Variants in DLGAP1 observed in about 807,000 individuals in gnomAD.
The protein encoded by DLGAP1 is DLG associated protein 1.
A neutral mutation model predicts 90.8 loss-of-function variants in DLGAP1; 11 were observed. That is an observed-to-expected ratio of 0.12 (90% confidence interval 0.08 to 0.20). The LOEUF (loss-of-function observed/expected upper bound fraction) is 0.20, where lower values mean the gene tolerates loss of function less well. Among genes scored for constraint, DLGAP1 ranks in the 10% least tolerant of loss-of-function variants. The pLI, the probability that DLGAP1 is intolerant of heterozygous loss-of-function variation, is 1.00. For synonymous variants in DLGAP1, 558 were observed against 540.7 expected (o/e 1.03, Z -0.44); for missense variants, 1,050 against 1,333.8 (o/e 0.79, Z 3.31).
In DLGAP1 at chr18:3,998,645, A is replaced by G. The variant is rs141006946; in HGVS notation, c.-73+6471T>C. On this transcript the variant is annotated intron_variant, in intron 3 of 12. Coordinates refer to ENST00000315677, the MANE Select transcript of DLGAP1 (RefSeq NM_004746.4). ...ATAAAATAATATTCATCATGAATTC[A>G]TGATGTTTCCTATTCAAATTCAAGT... 3.1e-3 allele frequency among the ~76,000 whole-genome samples: 473 copies of G among 152,326 alleles called. 4 individuals carry two copies. The highest frequency in any genetic ancestry group is 0.027 in the Admixed American group (407 of 15,298).
chr18:3,902,864 T>C (rs779579387), intron 3 of DLGAP1, among the ~76,000 whole-genome samples: 2 of 152,022 alleles, frequency 1.3e-5, no homozygotes, highest in Non-Finnish European at 2.9e-5. Flanking sequence ...GCCTTGAGCC[T>C]TCCTCTCAGT....
chr18:4,123,150 G>A (rs150192198), intron 2 of DLGAP1, among the ~76,000 whole-genome samples: 7 of 152,246 alleles, frequency 4.6e-5, no homozygotes, highest in African/African-American at 2.4e-5. Context: ...GGGCATCAAC[G>A]GACAAGATGG....
intron 7 of DLGAP1, among the ~76,000 whole-genome samples, chr18:3,610,327 G>A (rs771127200): frequency 6.6e-6 from 1 of 152,100 alleles, no homozygotes; most frequent in Non-Finnish European, 1.5e-5. Context: ...GAGGCCCTCC[G>A]CCTATCCAGA....
At chr18:4,083,578 G>T (rs995519323) in intron 2 of DLGAP1, among the ~76,000 whole-genome samples, 2 of 152,178 alleles carry the variant, frequency 1.3e-5, no homozygotes, top group Non-Finnish European at 2.9e-5. Context: ...CAAGAATTTG[G>T]ACAGAAATAT....
chr18:3,555,394 A>G (rs1025337144), intron 9 of DLGAP1, among the ~76,000 whole-genome samples: 1 of 152,120 alleles, frequency 6.6e-6, no homozygotes, highest in African/African-American at 2.4e-5. Context: ...TGACCATTCT[A>G]CAAACTTCAA....
chr18:3,905,366 CAAAAAAAAAAA>C (rs71160924), intron 3 of DLGAP1, among the ~76,000 whole-genome samples: 21 of 19,810 alleles, frequency 1.1e-3, no homozygotes, highest in Non-Finnish European at 1.6e-3. Context: ...GACTCCATCT[CAAAAAAAAAAA>C]AAAAAAAAAA....
chr18:4,198,899 C>T (rs1169857917), intron 1 of DLGAP1, among the ~76,000 whole-genome samples: 2 of 152,180 alleles, frequency 1.3e-5, no homozygotes, highest in Non-Finnish European at 2.9e-5. Context: ...GCAAATGCCA[C>T]AACCTCTGTG....
In DLGAP1 at chr18:4,101,057, C is replaced by T. The variant is rs533429013; in HGVS notation, c.-159+50123G>A. Among the ~76,000 whole-genome samples the T allele has an allele frequency of 3.3e-5, 5 of 152,292 alleles. 1 individual carries two copies. In the South Asian group the frequency reaches 1.0e-3, roughly 32 times the overall value. ...TTTACTGGGGCAGCACTTTTAATTT[C>T]CTTCAAGAATTCTTCCTTTGCATTC... On this transcript the variant is annotated intron_variant, in intron 2 of 12. Coordinates refer to ENST00000315677, the MANE Select transcript of DLGAP1 (RefSeq NM_004746.4).
intron 2 of DLGAP1, among the ~76,000 whole-genome samples, chr18:4,051,555 TCCCACAATG>T: frequency 6.6e-6 from 1 of 152,282 alleles, no homozygotes; most frequent in South Asian, 2.1e-4. Flanking sequence ...ACTGGGTCCC[TCCCACAATG>T]TGGGGATTAT....
At chr18:3,675,868 G>T (rs1288163512) in intron 7 of DLGAP1, among the ~76,000 whole-genome samples, 2 of 152,160 alleles carry the variant, frequency 1.3e-5, no homozygotes, top group Non-Finnish European at 2.9e-5. Context: ...CAACCAACTT[G>T]ATGTCAACCA....
intron 11 of DLGAP1, among the ~76,000 whole-genome samples, chr18:3,507,414 G>A (rs975919504): frequency 1.1e-4 from 16 of 152,008 alleles, no homozygotes; most frequent in South Asian, 2.1e-4. Flanking sequence ...CTACTCGGAG[G>A]CTGAGGCAGG....
At chr18:4,284,789 C>A (rs1172360181) in intron 1 of DLGAP1, among the ~76,000 whole-genome samples, 1 of 152,072 alleles carries the variant, frequency 6.6e-6, no homozygotes, top group Non-Finnish European at 1.5e-5. Flanking sequence ...GTATGCATGG[C>A]TATCAAAAGA....
rs138551413 is a variant in DLGAP1, at chr18:3,561,402, C to T, written c.2057+6088G>A. ...AGTGAGCCAAGATCCTGCCACTATA[C>T]TCCTTCCTGGGCGACAGAGCAAGAC... On this transcript the variant is annotated intron_variant, in intron 9 of 12. Transcript: ENST00000315677. 1.9e-3 allele frequency among the ~76,000 whole-genome samples: 247 copies of T among 131,788 alleles called. 3 individuals are homozygous for T. Among genetic ancestry groups the T allele is most frequent in the East Asian group, 0.014 (64 of 4,650 alleles). The allele number at this position is 131,788 out of a possible 152,430, so 86.5% of individuals were successfully genotyped here.
In DLGAP1 at chr18:3,567,717, G is replaced by C. The variant is rs1399473481; in HGVS notation, c.1966-136C>G. ...TTTATAACCTCCTTGTTCAATATTT[G>C]TGTACACTACCTTCACTGCACGCTC... On this transcript the variant is annotated intron_variant, in intron 8 of 12. Coordinates refer to ENST00000315677, the MANE Select transcript of DLGAP1 (RefSeq NM_004746.4). 1.3e-5 allele frequency: 10 copies of C among 750,780 alleles called. No individual in the cohort carries two copies. The East Asian group carries it at 2.6e-4, about 19-fold the overall frequency. The allele number at this position is 750,780 out of a possible 1,614,324, so 46.5% of individuals were successfully genotyped here.
intron 4 of DLGAP1, chr18:3,874,210 C>T (rs546221588): frequency 6.5e-7 from 1 of 1,550,030 alleles, no homozygotes; most frequent in Admixed American, 2.0e-5. Context: ...ACCCACTCAG[C>T]CTTAAAAAGG....
intron 3 of DLGAP1, among the ~76,000 whole-genome samples, chr18:3,974,905 T>A (rs887722449): frequency 6.6e-5 from 10 of 150,668 alleles, no homozygotes; most frequent in African/African-American, 9.7e-5. Context: ...AAAAAAAAAA[T>A]AAAAATAAAA....
In DLGAP1 at chr18:3,728,639, T is replaced by C. The variant is rs572397841; in HGVS notation, c.1591+496A>G. Reference sequence around the variant, plus strand: ...TCATAAAATGTGCGACCAATATTACTGGGTCATCCGTTTCTTCTTATTTTC... The same window carrying C: ...TCATAAAATGTGCGACCAATATTACCGGGTCATCCGTTTCTTCTTATTTTC... On this transcript the variant is annotated intron_variant, in intron 7 of 12. Coordinates refer to ENST00000315677, the MANE Select transcript of DLGAP1 (RefSeq NM_004746.4). 3.3e-5 allele frequency among the ~76,000 whole-genome samples: 5 copies of C among 152,354 alleles called. No homozygotes were observed. The East Asian group carries it at 7.7e-4, about 23-fold the overall frequency.
At chr18:4,062,353 C>T (rs1481288022) in intron 2 of DLGAP1, among the ~76,000 whole-genome samples, 1 of 145,120 alleles carries the variant, frequency 6.9e-6, no homozygotes, top group Non-Finnish European at 1.5e-5. Context: ...CAATAAAAGC[C>T]CCTTGGGAAA....
chr18:4,250,942 A>G (rs1430056615), intron 1 of DLGAP1, among the ~76,000 whole-genome samples: 1 of 152,130 alleles, frequency 6.6e-6, no homozygotes, highest in Non-Finnish European at 1.5e-5. Context: ...CCCACAAAAA[A>G]CAGCCACAAA....
Sources: gnomAD v4.1 joint callset for allele counts (sites outside exome capture counted in the v4.1 genomes callset) on GRCh38, gnomAD v4.1.1 for gene constraint, MANE v1.5 for transcripts, NCBI Gene and HGNC (gene_info 2026-07-23, HGNC 2026-07-21) for gene names.